The following GIGYF1 variants were observed in gnomAD, a reference collection of about 807,000 sequenced individuals.
GIGYF1 encodes the protein GRB10-interacting GYF protein 1.
A neutral mutation model predicts 147.1 loss-of-function variants in GIGYF1; 84 were observed. The observed-to-expected ratio is 0.57, with a 90% CI of 0.48 to 0.68. GIGYF1 has a LOEUF of 0.68. Among genes scored for constraint, GIGYF1 ranks in the 30% least tolerant of loss-of-function variants. GIGYF1 has a pLI of 0.00. For synonymous variants in GIGYF1, 752 were observed against 589.5 expected, an observed-to-expected ratio of 1.28 and a Z score of -3.99; for missense variants, 1,485 against 1,393.7, an observed-to-expected ratio of 1.07 and a Z score of -1.04.
chr7:100,685,164 G>A lies in GIGYF1; in HGVS notation c.1193-18C>T. ...AATATCATCTGGAAGGCATGAGATA[G>A]GAGGTGGAAAGAAGGGCGGGGAGGA... On this transcript the variant is annotated intron_variant, in intron 13 of 26. Coordinates refer to ENST00000678049, the MANE Select transcript of GIGYF1 (RefSeq NM_001375765.1). 6.4e-7 allele frequency: 1 copy of A among 1,566,678 alleles called. No individual in the cohort carries two copies. Among genetic ancestry groups the A allele is most frequent in the South Asian group, 1.2e-5 (1 of 86,626 alleles).
intron 1 of GIGYF1, among the ~76,000 whole-genome samples, chr7:100,692,007 C>T (rs1282757695): frequency 6.6e-6 from 1 of 152,210 alleles, no homozygotes; most frequent in Admixed American, 6.5e-5. Context: ...CTCCATCACC[C>T]CTAAAATTAG....
chr7:100,680,939 CCTG>C lies in GIGYF1; in HGVS notation c.*777_*779del, dbSNP rs1386524841. ...AGACGCCCCTCACCAGAACCAGAGT[CCTG>C]CTGCCCCACCCTGCCAGCCAGAGAG... On this transcript the variant is annotated 3_prime_UTR_variant, in exon 27 of 27. Coordinates refer to ENST00000678049, the MANE Select transcript of GIGYF1 (RefSeq NM_001375765.1). The C allele has an allele frequency of 3.3e-5, 5 of 152,354 alleles. No homozygotes were observed. The highest frequency in any genetic ancestry group is 1.2e-4 in the African/African-American group (5 of 41,450). 9.4% of individuals were successfully genotyped at this position (152,354 alleles called of 1,614,324 possible).
intron 1 of GIGYF1, among the ~76,000 whole-genome samples, chr7:100,690,964 G>A (rs917359085): frequency 2.0e-5 from 3 of 151,890 alleles, no homozygotes; most frequent in African/African-American, 7.3e-5. Flanking sequence ...CCAAGACAGG[G>A]GAGAGAGCAG....
intron 1 of GIGYF1, among the ~76,000 whole-genome samples, chr7:100,693,690 G>A (rs1282744799): frequency 3.3e-5 from 5 of 151,932 alleles, no homozygotes; most frequent in African/African-American, 1.2e-4. Flanking sequence ...GGGGCCCCCA[G>A]GCGGCCCAGG....
Position 100,685,923 on chromosome 7 carries a change from C to T in GIGYF1, c.1054+51G>A. The T allele has an allele frequency of 1.3e-6, 2 of 1,492,904 alleles. 1 individual carries two copies. 92.5% of individuals were successfully genotyped at this position (1,492,904 alleles called of 1,614,324 possible). ...CCAATGCCCAGCCCGGCAAAGAACA[C>T]CAGTGCCTGCCCGGCCCAGCCCCAG... On this transcript the variant is annotated intron_variant, in intron 12 of 26. Coordinates refer to ENST00000678049, the MANE Select transcript of GIGYF1 (RefSeq NM_001375765.1).
Position 100,681,998 on chromosome 7 carries a change from G to A in GIGYF1, c.2926-5C>T, listed in dbSNP as rs1442079762. 3 of 1,609,358 alleles carry A rather than the reference G, an allele frequency of 1.9e-6. No individual in the cohort carries two copies. The highest frequency in any genetic ancestry group is 2.5e-6 in the Non-Finnish European group (3 of 1,179,924). Reference sequence around the variant, plus strand: ...GGCGCTGCTCAGCCATGCCTCCTAAGGCAGCGGAGAGGAGGGTGAAGGTCA... The same window carrying A: ...GGCGCTGCTCAGCCATGCCTCCTAAAGCAGCGGAGAGGAGGGTGAAGGTCA... On this transcript the variant is annotated splice_polypyrimidine_tract_variant and splice_region_variant and intron_variant, in intron 25 of 26. Transcript: ENST00000678049.
In GIGYF1 at chr7:100,686,671, G is replaced by A. The variant is rs760025272; in HGVS notation, c.672C>T (p.Asp224=). ...CACCAGGGCTGGCGGAGCGCCAGCGGTCGCCGTCTCGCCGGGGCCCTGCTC... is the reference window on the plus strand; with the variant it reads ...CACCAGGGCTGGCGGAGCGCCAGCGATCGCCGTCTCGCCGGGGCCCTGCTC... The part of the protein sequence containing the change: ...RLGAGPRRDG[D]RWRSASPDGG... Residue 224 remains aspartate (D), a synonymous_variant, in exon 10 of 27, where the codon GAC becomes GAT. Transcript: ENST00000678049. The A allele has an allele frequency of 8.7e-6, 14 of 1,612,308 alleles. No individual in the cohort carries two copies. Among genetic ancestry groups the A allele is most frequent in the Non-Finnish European group, 1.2e-5 (14 of 1,179,644 alleles).
In GIGYF1 at chr7:100,681,331, TTTTTTCA is replaced by T. The variant is rs1471838062; in HGVS notation, c.*381_*387del. ...TTTCTTTCAGCCTCCTAACCATTTTTTTTTTCATTTTTCATCTTTTTTTCTTAAAAAA... is the reference window on the plus strand; with the variant it reads ...TTTCTTTCAGCCTCCTAACCATTTTTTTTTTCATCTTTTTTTCTTAAAAAA... On this transcript the variant is annotated 3_prime_UTR_variant, in exon 27 of 27. Transcript: ENST00000678049. 1 of 155,360 alleles carries T rather than the reference TTTTTTCA, an allele frequency of 6.4e-6. No homozygotes were observed. The highest frequency in any genetic ancestry group is 1.8e-4 in the East Asian group (1 of 5,474). The allele number at this position is 155,360 out of a possible 1,614,324, so 9.6% of individuals were successfully genotyped here.
intron 9 of GIGYF1, 24 bp downstream of exon 9, chr7:100,686,982 C>T (rs771151613): frequency 6.2e-7 from 1 of 1,613,718 alleles, no homozygotes. Context: ...GCCGCCCCGG[C>T]CGCCGCCCTC....
Position 100,688,276 on chromosome 7 carries a change from A to G in GIGYF1, c.-38T>C. 2.0e-5 allele frequency: 17 copies of G among 863,416 alleles called. No homozygotes were observed. Among genetic ancestry groups the G allele is most frequent in the East Asian group, 3.1e-5 (1 of 32,092 alleles). The allele number at this position is 863,416 out of a possible 1,614,324, so 53.5% of individuals were successfully genotyped here. A position where few individuals can be genotyped will look rare whatever the true frequency, so the allele number is the denominator to read the frequency against. On this transcript the variant is annotated 5_prime_UTR_variant, in exon 4 of 27. Transcript: ENST00000678049. ...CGTGTTTGAGAGGCCGGGGGTGGGG[A>G]GGAGGGGACCTGGCGTTCACTGTCC...
At chr7:100,693,892 G>C (rs1342603337) in intron 1 of GIGYF1, 1 of 151,568 alleles carries the variant, frequency 6.6e-6, no homozygotes, top group African/African-American at 2.4e-5. Flanking sequence ...GAGGGTCCCG[G>C]CGGCGGGGAT....
At position 100,682,235 on chromosome 7, in the gene GIGYF1, A is replaced by G; in HGVS notation, c.2762T>C (p.Val921Ala). 2 of 1,611,188 alleles carry G rather than the reference A, an allele frequency of 1.2e-6. No homozygotes were observed. Among genetic ancestry groups the G allele is most frequent in the South Asian group, 1.1e-5 (1 of 91,078 alleles). Residue 921 changes from valine (V) to alanine (A), a missense_variant and splice_region_variant, in exon 25 of 27, where the codon GTG (valine) becomes GCG (alanine). Physicochemically the swap from Val to Ala is moderately conservative, Grantham distance 64. Coordinates refer to ENST00000678049, the MANE Select transcript of GIGYF1 (RefSeq NM_001375765.1). ...HTLSATGSLD[V>A]PMAVAILKEV... ...CTTGAGGATCGCTACAGCCATGGGC[A>G]CTGCAGGATGAGCGAAGGCTGTCAG...
intron 16 of GIGYF1, 54 bp from the exon 17 acceptor site, chr7:100,684,391 T>C (rs1805115142): frequency 1.2e-6 from 2 of 1,603,138 alleles, no homozygotes; most frequent in Non-Finnish European, 8.5e-7. Context: ...GGGACTCTGC[T>C]GGACTCCTGC....
In GIGYF1 at chr7:100,683,809, G is replaced by A; in HGVS notation, c.1969+9C>T. ...TGCCTTGGGGGTGGGGACCAGTCAGGCCACACACCTGACTGTGATGAGGCT... is the reference window on the plus strand; with the variant it reads ...TGCCTTGGGGGTGGGGACCAGTCAGACCACACACCTGACTGTGATGAGGCT... On this transcript the variant is annotated intron_variant, in intron 19 of 26. Transcript: ENST00000678049. 2 of 1,576,570 alleles carry A rather than the reference G, an allele frequency of 1.3e-6. No homozygotes were observed. Among genetic ancestry groups the A allele is most frequent in the Non-Finnish European group, 1.7e-6 (2 of 1,160,318 alleles).
intron 20 of GIGYF1, 37 bp from the exon 21 acceptor site, chr7:100,683,481 G>A: frequency 5.0e-6 from 8 of 1,614,130 alleles, no homozygotes; most frequent in Non-Finnish European, 5.9e-6. Context: ...AGAGCTGCAG[G>A]GGACAGCCTG....
chr7:100,692,180 C>T (rs886175453), intron 1 of GIGYF1, among the ~76,000 whole-genome samples: 2 of 152,228 alleles, frequency 1.3e-5, no homozygotes, highest in Non-Finnish European at 2.9e-5. Context: ...AGGGTGAGGA[C>T]GCTGAGGCTT....
At chr7:100,687,637 G>A (rs374689653) in intron 6 of GIGYF1, 21 bp from the exon 7 acceptor site, 287 of 1,583,224 alleles carry the variant, frequency 1.8e-4, no homozygotes, top group Non-Finnish European at 2.3e-4. Context: ...AGCCAGGGGC[G>A]GGAGTGAGGA....
At position 100,682,084 on chromosome 7, in the gene GIGYF1, C is replaced by G. The variant is rs777161638; in HGVS notation, c.2913G>C (p.Arg971=). 4.0e-5 allele frequency: 64 copies of G among 1,613,038 alleles called. No individual in the cohort carries two copies. The highest frequency in any genetic ancestry group is 5.3e-5 in the Non-Finnish European group (63 of 1,179,762). ...RRAKQKASQQ[R]QQQQEAWLSS... The stretch of plus-strand genomic sequence containing the variant: ...CCGGCTGCCTCACCTGCTGCTGCTG[C>G]CGCTGCTGGCTGGCTTTCTGCTTGG... The change falls in exon 25 of 27, where the codon CGG becomes CGC. Residue 971 remains arginine (R), a synonymous_variant. Transcript: ENST00000678049.
rs1283375049 is a variant in GIGYF1, at chr7:100,682,390, G to A, written c.2693C>T (p.Pro898Leu). 3 of 1,613,742 alleles carry A rather than the reference G, an allele frequency of 1.9e-6. No individual in the cohort carries two copies. The highest frequency in any genetic ancestry group is 1.7e-6 in the Non-Finnish European group (2 of 1,179,980). ...LLKLLQGIPR[P>L]QDGFTQWCEQ... ...GCACCACTGGGTGAAGCCGTCCTGG[G>A]GCCTGGGAATGCCCTGCAGCAGCTT... The change falls in exon 24 of 27, where the codon CCC becomes CTC. Residue 898 changes from proline to leucine, a missense_variant. Transcript: ENST00000678049.
Sources: gnomAD v4.1 joint callset for allele counts (sites outside exome capture counted in the v4.1 genomes callset) on GRCh38, gnomAD v4.1.1 for gene constraint, MANE v1.5 for transcripts, NCBI Gene and HGNC (gene_info 2026-07-23, HGNC 2026-07-21) for gene names.